Variants in AFG2A observed in about 807,000 individuals in gnomAD.
AFG2A encodes ATPase family gene 2 protein homolog A.
chr4:123,042,231 C>T, the AFG2A span, among the ~76,000 whole-genome samples: 1 of 152,144 alleles, frequency 6.6e-6, no homozygotes, highest in African/African-American at 2.4e-5. Context: ...ATCCTGGAGG[C>T]TGGGAAGTCC....
At chr4:123,056,319 C>T in the AFG2A span, 40 of 1,437,718 alleles carry the variant, frequency 2.8e-5, no homozygotes, top group Non-Finnish European at 3.7e-5. Flanking sequence ...ATTTTTTCTA[C>T]TTCATTGGAA....
chr4:122,941,678 G>GA, the AFG2A span, among the ~76,000 whole-genome samples: 1 of 151,888 alleles, frequency 6.6e-6, no homozygotes, highest in Admixed American at 6.6e-5. Flanking sequence ...ATGTTGAATA[G>GA]GAGTGTTGAG....
At chr4:123,252,820 G>T in the AFG2A span, among the ~76,000 whole-genome samples, 1 of 152,066 alleles carries the variant, frequency 6.6e-6, no homozygotes, top group African/African-American at 2.4e-5. Flanking sequence ...CCACTAGTCT[G>T]CTTTTTGCTA....
the AFG2A span, among the ~76,000 whole-genome samples, chr4:122,993,107 T>A: frequency 1.3e-5 from 2 of 151,670 alleles, no homozygotes; most frequent in African/African-American, 4.8e-5. Context: ...TGCCTCAGCC[T>A]CCCAAGTAGC....
the AFG2A span, among the ~76,000 whole-genome samples, chr4:123,304,278 G>A: frequency 6.6e-6 from 1 of 152,072 alleles, no homozygotes. Flanking sequence ...CTTTCATCAG[G>A]TCTCAATGGG....
chr4:122,923,234 G>C, the AFG2A span: 2 of 1,614,192 alleles, frequency 1.2e-6, no homozygotes, highest in South Asian at 2.2e-5. Flanking sequence ...GCGGAGGCAC[G>C]GGCTCCTTCT....
chr4:123,202,955 C>T, the AFG2A span, among the ~76,000 whole-genome samples: 5 of 151,938 alleles, frequency 3.3e-5, no homozygotes, highest in Non-Finnish European at 5.9e-5. Flanking sequence ...CCTAGGGGTT[C>T]GAGGCTGCAG....
chr4:122,991,889 A>G, the AFG2A span, among the ~76,000 whole-genome samples: 1 of 152,212 alleles, frequency 6.6e-6, no homozygotes, highest in Non-Finnish European at 1.5e-5. Flanking sequence ...TCGATGTTAT[A>G]AAACCTTGGC....
the AFG2A span, among the ~76,000 whole-genome samples, chr4:123,302,829 C>T: frequency 6.6e-6 from 1 of 152,174 alleles, no homozygotes; most frequent in Non-Finnish European, 1.5e-5. Context: ...AGTGAGGTCA[C>T]CTCTAGGAAT....
the AFG2A span, among the ~76,000 whole-genome samples, chr4:123,302,352 A>G: frequency 1.3e-5 from 2 of 152,268 alleles, no homozygotes; most frequent in East Asian, 3.9e-4. Flanking sequence ...CTTTCTGGCT[A>G]TAGCTTGGAT....
the AFG2A span, chr4:122,934,762 AC>A: frequency 3.3e-6 from 5 of 1,528,138 alleles, no homozygotes; most frequent in Non-Finnish European, 4.4e-6. Context: ...AGTTTATTGC[AC>A]CCAAAAATGT....
the AFG2A span, among the ~76,000 whole-genome samples, chr4:123,287,692 C>T: frequency 1.9e-3 from 285 of 151,728 alleles, 1 homozygote; most frequent in African/African-American, 6.7e-3. Flanking sequence ...ATATTAGCAA[C>T]GAAAATAAAG....
the AFG2A span, among the ~76,000 whole-genome samples, chr4:123,178,904 G>A: frequency 1.3e-5 from 2 of 152,018 alleles, no homozygotes; most frequent in Non-Finnish European, 2.9e-5. Context: ...CTGCACATAG[G>A]CTTCTCTACT....
the AFG2A span, among the ~76,000 whole-genome samples, chr4:123,017,459 A>G: frequency 2.0e-4 from 11 of 56,222 alleles, no homozygotes; most frequent in Non-Finnish European, 3.0e-4. Flanking sequence ...GCTTTTCACT[A>G]TATACAGCTA....
At chr4:123,273,537 A>T in the AFG2A span, among the ~76,000 whole-genome samples, 1 of 152,158 alleles carries the variant, frequency 6.6e-6, no homozygotes, top group East Asian at 1.9e-4. Context: ...TTGTAAATTA[A>T]TATTGTTTCC....
chr4:123,044,954 T>C, the AFG2A span, among the ~76,000 whole-genome samples: 1 of 152,044 alleles, frequency 6.6e-6, no homozygotes, highest in Non-Finnish European at 1.5e-5. Flanking sequence ...CTTTTCCTCA[T>C]AATTTTAATG....
chr4:123,157,640 C>T, the AFG2A span, among the ~76,000 whole-genome samples: 2 of 152,114 alleles, frequency 1.3e-5, no homozygotes, highest in South Asian at 2.1e-4. Flanking sequence ...CGAGATTGAG[C>T]GTGTTCGGGG....
At chr4:122,953,201 A>G in the AFG2A span, among the ~76,000 whole-genome samples, 2 of 151,870 alleles carry the variant, frequency 1.3e-5, no homozygotes, top group African/African-American at 4.8e-5. Flanking sequence ...CTCAGTCAGA[A>G]CTCCCCAGCA....
the AFG2A span, chr4:123,090,517 TA>T: frequency 1.3e-6 from 2 of 1,568,794 alleles, no homozygotes; most frequent in Non-Finnish European, 1.7e-6. Context: ...CTTTAAAAAT[TA>T]ATAGATAATA....
Sources: allele counts gnomAD v4.1 joint callset (sites outside exome capture counted in the v4.1 genomes callset), GRCh38; gene constraint gnomAD v4.1.1; transcripts MANE v1.5; gene names NCBI Gene and HGNC (gene_info 2026-07-23, HGNC 2026-07-21).